Variants in TTLL11 observed in about 807,000 individuals in gnomAD.
TTLL11 encodes the protein tubulin polyglutamylase TTLL11.
In TTLL11, 42 loss-of-function variants were observed where a neutral mutation model predicts 51.7. That is an observed-to-expected ratio of 0.81 (90% CI 0.64 to 1.05). TTLL11 has a LOEUF of 1.05. Among genes scored for constraint, TTLL11 ranks in the 50% least tolerant of loss-of-function variants. The pLI is 0.00. For synonymous variants in TTLL11, 381 were observed against 383.5 expected, an observed-to-expected ratio of 0.99 and a Z score of 0.08; for missense variants, 799 against 940.4, an observed-to-expected ratio of 0.85 and a Z score of 1.97.
At chr9:122,003,644 C>T (rs940678156) in intron 3 of TTLL11, among the ~76,000 whole-genome samples, 3 of 151,304 alleles carry the variant, frequency 2.0e-5, no homozygotes, top group African/African-American at 7.3e-5. Context: ...GCCACCACAC[C>T]CAGCTAATTT....
Position 121,852,852 on chromosome 9 carries a change from C to T in TTLL11, c.1840+7485G>A, listed in dbSNP as rs552416018. Among the ~76,000 whole-genome samples, 7 of 152,182 alleles carry T rather than the reference C, an allele frequency of 4.6e-5. No individual in the cohort carries two copies. The East Asian group carries it at 5.8e-4, about 13-fold the overall frequency. On this transcript the variant is annotated intron_variant, in intron 8 of 8. Coordinates refer to ENST00000321582, the MANE Select transcript of TTLL11 (RefSeq NM_001139442.2). ...ACATCCAGAGAGGCCCATCTGACTG[C>T]GAGATAATTTCAAGGCTGAAGAACA...
intron 6 of TTLL11, among the ~76,000 whole-genome samples, chr9:121,953,564 G>A (rs759715871): frequency 6.2e-4 from 93 of 151,094 alleles, no homozygotes; most frequent in Middle Eastern, 3.4e-3. Flanking sequence ...CCCAGGAGGC[G>A]GAGGTTTGCA....
intron 1 of TTLL11, among the ~76,000 whole-genome samples, chr9:122,087,687 G>A (rs552772018): frequency 3.3e-5 from 5 of 152,166 alleles, no homozygotes; most frequent in African/African-American, 4.8e-5. Context: ...CAAAAGTGGC[G>A]TCTACTCTCT....
At chr9:121,970,265 C>A (rs1307097831) in intron 6 of TTLL11, among the ~76,000 whole-genome samples, 1 of 152,120 alleles carries the variant, frequency 6.6e-6, no homozygotes, top group Admixed American at 6.6e-5. Context: ...TGGTCCTATG[C>A]CCCATTATTA....
chr9:122,079,934 C>T (rs1391823760), intron 1 of TTLL11, among the ~76,000 whole-genome samples: 2 of 151,636 alleles, frequency 1.3e-5, no homozygotes, highest in Non-Finnish European at 2.9e-5. Context: ...TCACGACTAG[C>T]CCGGGCAACA....
chr9:122,014,638 T>A, intron 3 of TTLL11, among the ~76,000 whole-genome samples: 1 of 152,086 alleles, frequency 6.6e-6, no homozygotes, highest in South Asian at 2.1e-4. Flanking sequence ...GCTGGACATA[T>A]AAAGGGCACT....
At chr9:121,952,282 TA>T (rs892350971) in intron 6 of TTLL11, among the ~76,000 whole-genome samples, 17 of 151,922 alleles carry the variant, frequency 1.1e-4, no homozygotes, top group Middle Eastern at 3.4e-3. Context: ...CAGTCTCTAC[TA>T]AAAAATACAA....
chr9:121,959,302 G>A (rs1037380832), intron 6 of TTLL11, among the ~76,000 whole-genome samples: 1 of 152,088 alleles, frequency 6.6e-6, no homozygotes, highest in South Asian at 2.1e-4. Context: ...GGACCAAACC[G>A]TCCCTGTCTA....
chr9:121,932,674 A>ATACATC (rs1303810888), intron 6 of TTLL11, among the ~76,000 whole-genome samples: 5 of 151,562 alleles, frequency 3.3e-5, no homozygotes, highest in African/African-American at 1.2e-4. Flanking sequence ...CGGCAGGCTG[A>ATACATC]TAGATCTAGA....
chr9:121,998,034 A>G (rs911514812), intron 3 of TTLL11, among the ~76,000 whole-genome samples: 110 of 152,218 alleles, frequency 7.2e-4, no homozygotes, highest in African/African-American at 2.6e-3. Flanking sequence ...TGCCTGGAAC[A>G]TAACACTCCA....
intron 8 of TTLL11, among the ~76,000 whole-genome samples, chr9:121,834,817 ACT>A (rs1359042794): frequency 1.4e-5 from 2 of 143,290 alleles, no homozygotes; most frequent in South Asian, 2.3e-4. Context: ...ACAGAGTGAG[ACT>A]CTGTCTCAGG....
intron 8 of TTLL11, among the ~76,000 whole-genome samples, chr9:121,842,779 C>T (rs369927977): frequency 1.8e-4 from 27 of 152,254 alleles, no homozygotes; most frequent in East Asian, 1.2e-3. Context: ...CAGATTTCCC[C>T]GGAGAATCTC....
chr9:121,962,892 G>A (rs1842282005), intron 6 of TTLL11, among the ~76,000 whole-genome samples: 1 of 152,238 alleles, frequency 6.6e-6, no homozygotes, highest in African/African-American at 2.4e-5. Context: ...ATGAGACCCT[G>A]CCCCAAAGTT....
chr9:121,895,715 CTG>C (rs139594729), intron 6 of TTLL11, among the ~76,000 whole-genome samples: 2 of 902 alleles, frequency 2.2e-3, no homozygotes, highest in Non-Finnish European at 4.9e-3. Flanking sequence ...GTTTGTGTGA[CTG>C]TGTGTGATTG....
chr9:121,862,414 T>C (rs1838039769), intron 7 of TTLL11, among the ~76,000 whole-genome samples: 1 of 152,136 alleles, frequency 6.6e-6, no homozygotes, highest in Non-Finnish European at 1.5e-5. Flanking sequence ...ATGGTGCCTG[T>C]CACCTGGTAG....
chr9:121,964,170 GA>G (rs754644802), intron 6 of TTLL11, among the ~76,000 whole-genome samples: 138 of 137,126 alleles, frequency 1.0e-3, no homozygotes, highest in South Asian at 2.3e-3. Flanking sequence ...ATAAAAGTTG[GA>G]AAAAAAAAAA....
intron 2 of TTLL11, among the ~76,000 whole-genome samples, chr9:122,037,919 G>A (rs1294528787): frequency 6.6e-6 from 1 of 152,184 alleles, no homozygotes; most frequent in African/African-American, 2.4e-5. Flanking sequence ...ACCACCCCCT[G>A]TATAACGTAT....
intron 8 of TTLL11, among the ~76,000 whole-genome samples, chr9:121,854,632 C>T (rs1323968078): frequency 6.6e-6 from 1 of 152,210 alleles, no homozygotes; most frequent in African/African-American, 2.4e-5. Context: ...ACAGCTGACA[C>T]CATGATTTTG....
intron 3 of TTLL11, among the ~76,000 whole-genome samples, chr9:122,005,769 G>A (rs1166901340): frequency 6.6e-6 from 1 of 152,152 alleles, no homozygotes; most frequent in Admixed American, 6.5e-5. Flanking sequence ...GGATCCATCC[G>A]TGTAACTCAG....
Sources: gnomAD v4.1 joint callset for allele counts (sites outside exome capture counted in the v4.1 genomes callset) on GRCh38, gnomAD v4.1.1 for gene constraint, MANE v1.5 for transcripts, NCBI Gene and HGNC (gene_info 2026-07-23, HGNC 2026-07-21) for gene names.